The following KCNK2 variants were observed in gnomAD, a reference collection of about 807,000 sequenced individuals.
The protein encoded by KCNK2 is potassium channel subfamily K member 2.
In KCNK2, 21 loss-of-function variants were observed where a neutral mutation model predicts 40.5. The observed-to-expected ratio is 0.52, with a 90% CI of 0.37 to 0.75. The LOEUF is 0.75. KCNK2 is among the 30% of genes least tolerant of loss of function. KCNK2 has a pLI of 0.00. For missense variants in KCNK2, 399 were observed against 531.6 expected (o/e 0.75, Z 2.45); for synonymous variants, 191 against 202.2 (o/e 0.94, Z 0.47).
At chr1:215,052,268 A>G (rs1322117618) in intron 1 of KCNK2, among the ~76,000 whole-genome samples, 1 of 152,212 alleles carries the variant, frequency 6.6e-6, no homozygotes, top group Non-Finnish European at 1.5e-5. Context: ...TTCTCAATGT[A>G]GCAAGAAGCC....
chr1:215,124,269 C>G (rs536896922), intron 2 of KCNK2, among the ~76,000 whole-genome samples: 41 of 152,226 alleles, frequency 2.7e-4, no homozygotes, highest in African/African-American at 9.6e-4. Context: ...ATTATTGTAA[C>G]TATAGTTTGC....
At chr1:215,030,451 G>A (rs911140085) in intron 1 of KCNK2, among the ~76,000 whole-genome samples, 1 of 151,596 alleles carries the variant, frequency 6.6e-6, no homozygotes. Flanking sequence ...TTGTGCCTTT[G>A]GTGTTGTATC....
chr1:215,155,736 G>C (rs908154102), intron 3 of KCNK2, among the ~76,000 whole-genome samples: 1 of 152,054 alleles, frequency 6.6e-6, no homozygotes, highest in African/African-American at 2.4e-5. Flanking sequence ...GGCCAGGTTG[G>C]TCTCCATCTC....
chr1:215,095,842 G>A (rs1485586004), intron 2 of KCNK2, among the ~76,000 whole-genome samples: 1 of 152,058 alleles, frequency 6.6e-6, no homozygotes, highest in Non-Finnish European at 1.5e-5. Context: ...CAGCAGGTCT[G>A]TAGATGTGAA....
At chr1:215,181,408 G>C (rs1571702447) in intron 5 of KCNK2, among the ~76,000 whole-genome samples, 1 of 152,190 alleles carries the variant, frequency 6.6e-6, no homozygotes, top group East Asian at 1.9e-4. Flanking sequence ...TGATCCTTAG[G>C]TGGTGTCACT....
chr1:215,111,608 T>C (rs951117350), intron 2 of KCNK2, among the ~76,000 whole-genome samples: 14 of 152,152 alleles, frequency 9.2e-5, no homozygotes, highest in African/African-American at 3.4e-4. Flanking sequence ...TGGGTTCTTG[T>C]TTATATTTTA....
At chr1:215,031,803 T>C (rs1264993213) in intron 1 of KCNK2, among the ~76,000 whole-genome samples, 1 of 152,206 alleles carries the variant, frequency 6.6e-6, no homozygotes, top group Non-Finnish European at 1.5e-5. Context: ...TTCCAGGAGT[T>C]ATTTTGTTAA....
intron 6 of KCNK2, among the ~76,000 whole-genome samples, chr1:215,231,361 TA>T (rs1228906317): frequency 6.6e-6 from 1 of 152,078 alleles, no homozygotes; most frequent in Non-Finnish European, 1.5e-5. Context: ...TATTATGCAA[TA>T]AACGCATAAT....
intron 1 of KCNK2, among the ~76,000 whole-genome samples, chr1:215,062,113 C>A (rs1558073746): frequency 6.6e-6 from 1 of 151,864 alleles, no homozygotes; most frequent in Non-Finnish European, 1.5e-5. Context: ...CTGCTCTAAC[C>A]AATACATGGC....
At chr1:215,069,037 A>G (rs1472795619) in intron 1 of KCNK2, among the ~76,000 whole-genome samples, 1 of 152,228 alleles carries the variant, frequency 6.6e-6, no homozygotes, top group Non-Finnish European at 1.5e-5. Context: ...AGGAGATGGA[A>G]AATAAAGTCA....
At chr1:215,056,547 A>C (rs1004757127) in intron 1 of KCNK2, among the ~76,000 whole-genome samples, 3 of 148,768 alleles carry the variant, frequency 2.0e-5, no homozygotes, top group Non-Finnish European at 4.5e-5. Flanking sequence ...GAAATGAGTT[A>C]ATACAATAAT....
chr1:215,046,404 G>T (rs559188525), intron 1 of KCNK2, among the ~76,000 whole-genome samples: 2 of 151,036 alleles, frequency 1.3e-5, no homozygotes, highest in Admixed American at 1.3e-4. Flanking sequence ...TATGGTTGGG[G>T]ACTATATTTG....
At chr1:215,046,013 C>T (rs1657754481) in intron 1 of KCNK2, among the ~76,000 whole-genome samples, 1 of 152,184 alleles carries the variant, frequency 6.6e-6, no homozygotes, top group Non-Finnish European at 1.5e-5. Flanking sequence ...TTGGTTGAAT[C>T]ACACACGTTA....
At chr1:215,143,575 A>G (rs1039513810) in intron 3 of KCNK2, among the ~76,000 whole-genome samples, 1 of 152,110 alleles carries the variant, frequency 6.6e-6, no homozygotes, top group African/African-American at 2.4e-5. Flanking sequence ...ACATTTTTGG[A>G]TAAGTACGCC....
intron 6 of KCNK2, among the ~76,000 whole-genome samples, chr1:215,198,971 T>C (rs143924376): frequency 2.8e-4 from 42 of 152,292 alleles, no homozygotes; most frequent in African/African-American, 9.1e-4. Context: ...TGTGAAAATA[T>C]AGATCTAGTC....
Position 215,016,686 on chromosome 1 carries a change from C to T in KCNK2, c.34+10731C>T, listed in dbSNP as rs183418322. Among the ~76,000 whole-genome samples, 31 of 152,192 alleles carry T rather than the reference C, an allele frequency of 2.0e-4. No individual in the cohort carries two copies. The East Asian group carries it at 5.6e-3, about 27-fold the overall frequency. ...CATGGGAAAACTGCATGACATTGGT[C>T]TGGACAATGTTTTGTATATGAACCC... On this transcript the variant is annotated intron_variant, in intron 1 of 6. Coordinates refer to the KCNK2 transcript ENST00000391895.
chr1:215,042,843 T>C (rs2102493620), intron 1 of KCNK2, among the ~76,000 whole-genome samples: 1 of 152,338 alleles, frequency 6.6e-6, no homozygotes, highest in East Asian at 1.9e-4. Context: ...ACCTGTGTTT[T>C]AGCCTAATTA....
At chr1:215,215,803 C>G in intron 6 of KCNK2, among the ~76,000 whole-genome samples, 1 of 152,190 alleles carries the variant, frequency 6.6e-6, no homozygotes, top group East Asian at 1.9e-4. Flanking sequence ...GCTGGGGAGA[C>G]AGGCCCACGG....
intron 2 of KCNK2, among the ~76,000 whole-genome samples, chr1:215,088,338 A>G (rs1347311739): frequency 2.0e-5 from 3 of 152,298 alleles, no homozygotes; most frequent in Non-Finnish European, 4.4e-5. Context: ...TTAAACAAGT[A>G]GTTTTCCTCT....
Sources: allele counts gnomAD v4.1 joint callset (sites outside exome capture counted in the v4.1 genomes callset), GRCh38; gene constraint gnomAD v4.1.1; transcripts MANE v1.5; gene names NCBI Gene and HGNC (gene_info 2026-07-23, HGNC 2026-07-21).